TRIM6: variants seen among roughly 807,000 people sequenced by gnomAD.
The protein encoded by TRIM6 is tripartite motif-containing protein 6.
TRIM6 carries 43 observed loss-of-function variants against 51.2 expected under a neutral mutation model. The observed-to-expected ratio is 0.84, with a 90% CI of 0.66 to 1.08. The LOEUF (loss-of-function observed/expected upper bound fraction) is 1.08. Ranked by LOEUF, TRIM6 falls within the 50% of genes least tolerant of loss-of-function variation. The probability of loss-of-function intolerance (pLI) is 0.00; values close to 1 mark genes in which losing one functional copy is unlikely to be tolerated. For missense variants in TRIM6, 669 were observed against 619.0 expected (o/e 1.08, Z -0.86); for synonymous variants, 215 against 232.4 (o/e 0.93, Z 0.68).
chr11:5,606,374 T>G (rs1848209412), intron 4 of TRIM6, among the ~76,000 whole-genome samples: 1 of 152,188 alleles, frequency 6.6e-6, no homozygotes, highest in East Asian at 1.9e-4. Flanking sequence ...AGCTATTTTC[T>G]GCATAGAATG....
chr11:5,606,043 G>A (rs1444144844), intron 4 of TRIM6, among the ~76,000 whole-genome samples: 1 of 152,124 alleles, frequency 6.6e-6, no homozygotes, highest in Admixed American at 6.6e-5. Flanking sequence ...TGAACACAGT[G>A]CTCTCCCAGT....
In TRIM6 at chr11:5,611,105, T is replaced by G. The variant is rs758760496; in HGVS notation, c.1314T>G (p.His438Gln). The change falls in exon 8 of 8, where the codon CAT (histidine) becomes CAG (glutamine). Residue 438 changes from histidine (H) to glutamine (Q), a missense_variant. His to Gln is a conservative substitution (Grantham distance 24, BLOSUM62 0). Transcript: ENST00000380097. The part of the protein sequence containing the change: ...GYWVIGLQHN[H>Q]EYRAYEDSSP... ...GGGTGATTGGGTTACAGCATAACCATGAATATAGGGCCTATGAGGATTCTT... is the reference window on the plus strand; with the variant it reads ...GGGTGATTGGGTTACAGCATAACCAGGAATATAGGGCCTATGAGGATTCTT... The G allele has an allele frequency of 1.2e-6, 2 of 1,614,064 alleles. No homozygotes were observed. The highest frequency in any genetic ancestry group is 2.7e-5 in the African/African-American group (2 of 74,926).
intron 1 of TRIM6, 113 bp downstream of exon 1, chr11:5,597,027 TTTTC>T (rs1164816648): frequency 1.3e-6 from 2 of 1,559,488 alleles, no homozygotes; most frequent in Admixed American, 3.8e-5. Context: ...CTTTATTTCT[TTTTC>T]TTTCTCACTG....
Position 5,611,323 on chromosome 11 carries a change from T to C in TRIM6, c.1532T>C (p.Leu511Pro), listed in dbSNP as rs150750288. The C allele has an allele frequency of 1.2e-5, 19 of 1,613,620 alleles. No individual in the cohort carries two copies. In the East Asian group the frequency reaches 4.2e-4, roughly 36 times the overall value. ...TGCAACTGTGTAATTCCTATGACCCTGCGTCGTCCAAGCTCTTGAATATTC... is the reference window on the plus strand; with the variant it reads ...TGCAACTGTGTAATTCCTATGACCCCGCGTCGTCCAAGCTCTTGAATATTC... ...NPCNCVIPMT[L>P]RRPSS Residue 511 changes from leucine to proline, a missense_variant, in exon 8 of 8, where the codon CTG becomes CCG. Leu to Pro is a moderately conservative substitution (Grantham distance 98). Transcript: ENST00000380097.
At chr11:5,609,738 T>C (rs1204088735) in intron 5 of TRIM6, among the ~76,000 whole-genome samples, 10 of 152,052 alleles carry the variant, frequency 6.6e-5, no homozygotes, top group Non-Finnish European at 8.8e-5. Context: ...CTGGCTAACA[T>C]GATGAAACCC....
intron 1 of TRIM6, among the ~76,000 whole-genome samples, chr11:5,602,330 C>T (rs1443435817): frequency 1.3e-5 from 2 of 152,190 alleles, no homozygotes; most frequent in East Asian, 3.9e-4. Context: ...GTAATCCCAG[C>T]TACTCGGGAG....
At chr11:5,610,084 A>T in intron 5 of TRIM6, 61 bp from the exon 6 acceptor site, 1 of 1,569,896 alleles carries the variant, frequency 6.4e-7, no homozygotes, top group Non-Finnish European at 8.8e-7. Flanking sequence ...GGTAAGGGAG[A>T]TGGGTGGTGG....
Position 5,611,241 on chromosome 11 carries a change from A to G in TRIM6, c.1450A>G (p.Ile484Val), listed in dbSNP as rs775177754. 2.0e-5 allele frequency: 33 copies of G among 1,613,888 alleles called. No homozygotes were observed. Among genetic ancestry groups the G allele is most frequent in the Non-Finnish European group, 2.5e-5 (29 of 1,179,952 alleles). ...FYNVTNHGFP[I>V]YTFSKYYFPT... ...TAATGTCACAAACCATGGCTTCCCCATCTACACTTTCTCTAAATATTACTT... is the reference window on the plus strand; with the variant it reads ...TAATGTCACAAACCATGGCTTCCCCGTCTACACTTTCTCTAAATATTACTT... Residue 484 changes from isoleucine to valine, a missense_variant, in exon 8 of 8, where the codon ATC (isoleucine) becomes GTC (valine). Coordinates refer to ENST00000380097, the MANE Select transcript of TRIM6 (RefSeq NM_001003818.3).
At chr11:5,599,008 T>G (rs1406626231) in intron 1 of TRIM6, among the ~76,000 whole-genome samples, 1 of 152,220 alleles carries the variant, frequency 6.6e-6, no homozygotes, top group Admixed American at 6.5e-5. Flanking sequence ...TGATGTACTT[T>G]CAAATACCAT....
chr11:5,601,338 A>G (rs1847832314), intron 1 of TRIM6, among the ~76,000 whole-genome samples: 1 of 152,214 alleles, frequency 6.6e-6, no homozygotes, highest in Admixed American at 6.5e-5. Flanking sequence ...AAGTCACTTA[A>G]TGTCTCTTCT....
At position 5,596,776 on chromosome 11, in the gene TRIM6, T is replaced by G. The variant is rs1416457338; in HGVS notation, c.-122T>G. 1 of 1,509,176 alleles carries G rather than the reference T, an allele frequency of 6.6e-7. No individual in the cohort carries two copies. The highest frequency in any genetic ancestry group is 9.2e-7 in the Non-Finnish European group (1 of 1,091,406). The allele number at this position is 1,509,176 out of a possible 1,614,324, so 93.5% of individuals were successfully genotyped here. A position where few individuals can be genotyped will look rare whatever the true frequency, so the allele number is the denominator to read the frequency against. ...AGAGTCGTGCGTGGTTGAGTTTAGA[T>G]AAAAGCCGAGTGAGCGCGCTCTGTT... On this transcript the variant is annotated 5_prime_UTR_variant, in exon 1 of 8. Transcript: ENST00000380097.
At chr11:5,604,475 T>C in intron 2 of TRIM6, 59 bp from the exon 3 acceptor site, 1 of 1,547,868 alleles carries the variant, frequency 6.5e-7, no homozygotes, top group South Asian at 1.2e-5. Flanking sequence ...TCATTCTATG[T>C]CTGGGTACTG....
intron 1 of TRIM6, among the ~76,000 whole-genome samples, chr11:5,599,897 A>G (rs568998031): frequency 5.5e-4 from 83 of 152,236 alleles, no homozygotes; most frequent in Middle Eastern, 3.4e-3. Flanking sequence ...TAGAGCCTCT[A>G]TTGCCTCTAG....
chr11:5,603,170 G>A lies in TRIM6; in HGVS notation c.18-76G>A. 2.6e-6 allele frequency: 4 copies of A among 1,548,826 alleles called. No individual in the cohort carries two copies. In the South Asian group the frequency reaches 3.8e-5, roughly 15 times the overall value. The stretch of plus-strand genomic sequence containing the variant: ...CCCAGGTGTCTGACCTCTTTATCCA[G>A]GACTGGGCAGTCAGTATTCCCTTAT... On this transcript the variant is annotated intron_variant, in intron 1 of 7. Coordinates refer to ENST00000380097, the MANE Select transcript of TRIM6 (RefSeq NM_001003818.3).
chr11:5,607,265 T>G (rs12278274), intron 4 of TRIM6, among the ~76,000 whole-genome samples: 34,658 of 152,032 alleles, frequency 0.23, 4,158 homozygotes, highest in African/African-American at 0.26. Flanking sequence ...AAAGCCAACA[T>G]AAGAGAAGTA....
chr11:5,601,657 CTGAGGCACGA>C (rs1160591527), intron 1 of TRIM6, among the ~76,000 whole-genome samples: 2 of 152,094 alleles, frequency 1.3e-5, no homozygotes, highest in Non-Finnish European at 2.9e-5. Context: ...ACTCAGGAGG[CTGAGGCACGA>C]GAATCGCTTG....
intron 1 of TRIM6, among the ~76,000 whole-genome samples, chr11:5,602,509 T>C (rs896294448): frequency 1.3e-5 from 2 of 151,806 alleles, no homozygotes; most frequent in Admixed American, 1.3e-4. Context: ...GAGCAGACCC[T>C]TCTGATAAGG....
chr11:5,607,263 C>T (rs2133852476), intron 4 of TRIM6, among the ~76,000 whole-genome samples: 1 of 152,194 alleles, frequency 6.6e-6, no homozygotes, highest in East Asian at 1.9e-4. Context: ...ATAAAGCCAA[C>T]ATAAGAGAAG....
intron 1 of TRIM6, among the ~76,000 whole-genome samples, chr11:5,600,101 A>C (rs1847745954): frequency 6.6e-6 from 1 of 152,232 alleles, no homozygotes; most frequent in Non-Finnish European, 1.5e-5. Flanking sequence ...ACTACCAGTT[A>C]GATGCACAGA....
Sources: gnomAD v4.1 joint callset for allele counts (sites outside exome capture counted in the v4.1 genomes callset) on GRCh38, gnomAD v4.1.1 for gene constraint, MANE v1.5 for transcripts, NCBI Gene and HGNC (gene_info 2026-07-23, HGNC 2026-07-21) for gene names.